Variants in TAF2 observed in about 807,000 individuals in gnomAD.
The protein encoded by TAF2 is TATA-box binding protein associated factor 2.
Under a neutral mutation model 138.5 loss-of-function variants are expected in TAF2, and 61 were observed. The ratio of observed to expected loss-of-function variants is 0.44; its 90% CI spans 0.36 to 0.54. The LOEUF is 0.54. Ranked by LOEUF, TAF2 falls within the 20% of genes least tolerant of loss-of-function variation. The pLI is 0.00. For missense variants in TAF2, 1,090 were observed against 1,427.9 expected (o/e 0.76, Z 3.81); for synonymous variants, 475 against 469.9 (o/e 1.01, Z -0.14).
intron 3 of TAF2, among the ~76,000 whole-genome samples, chr8:119,815,575 G>A (rs1003254405): frequency 6.6e-6 from 1 of 151,480 alleles, no homozygotes; most frequent in African/African-American, 2.4e-5. Context: ...GCACCCGGCC[G>A]AGACTTGGTC....
intron 18 of TAF2, among the ~76,000 whole-genome samples, chr8:119,765,396 G>C (rs370639902): frequency 3.3e-5 from 5 of 152,144 alleles, no homozygotes; most frequent in African/African-American, 9.7e-5. Flanking sequence ...AGGATACGCT[G>C]ATCTTAGAAA....
intron 6 of TAF2, among the ~76,000 whole-genome samples, chr8:119,798,433 C>T (rs1192259350): frequency 6.6e-6 from 1 of 152,146 alleles, no homozygotes; most frequent in Non-Finnish European, 1.5e-5. Context: ...ATATCATATG[C>T]TATCTCTTAT....
At chr8:119,791,216 A>G (rs1823406484) in intron 11 of TAF2, 108 bp downstream of exon 11, 2 of 1,381,696 alleles carry the variant, frequency 1.4e-6, no homozygotes, top group African/African-American at 1.4e-5. Flanking sequence ...GTGGGCAAAC[A>G]AAACTATAAA....
chr8:119,830,595 ATTTAATAAATCT>A (rs1445654375), intron 2 of TAF2, among the ~76,000 whole-genome samples: 1 of 152,224 alleles, frequency 6.6e-6, no homozygotes, highest in Admixed American at 6.5e-5. Flanking sequence ...AGGAGACTAA[ATTTAATAAATCT>A]TTTAGGAACA....
At chr8:119,811,794 A>G (rs1406287272) in intron 3 of TAF2, among the ~76,000 whole-genome samples, 1 of 137,660 alleles carries the variant, frequency 7.3e-6, no homozygotes, top group Non-Finnish European at 1.5e-5. Flanking sequence ...CGAAAGAGTG[A>G]GACTCCGTCT....
Position 119,794,874 on chromosome 8 carries a change from C to A in TAF2, c.1191+658G>T, listed in dbSNP as rs180941491. ...GATAATAATATGTAAAATGAGAATACGGGGAAGATGATAAGGTTTGTTTAA... is the reference window on the plus strand; with the variant it reads ...GATAATAATATGTAAAATGAGAATAAGGGGAAGATGATAAGGTTTGTTTAA... On this transcript the variant is annotated intron_variant, in intron 9 of 25. Transcript: ENST00000378164. Among the ~76,000 whole-genome samples the A allele has an allele frequency of 1.8e-4, 27 of 151,938 alleles. No homozygotes were observed. In the East Asian group the frequency reaches 3.5e-3, roughly 20 times the overall value.
chr8:119,740,690 GAA>G (rs376277175), intron 25 of TAF2, among the ~76,000 whole-genome samples: 3,999 of 40,898 alleles, frequency 0.098, 78 homozygotes, highest in Non-Finnish European at 0.13. Flanking sequence ...GAAAAGAAAA[GAA>G]AAGAAGAAGA....
chr8:119,832,128 C>T (rs1324038712), intron 1 of TAF2, among the ~76,000 whole-genome samples: 1 of 151,900 alleles, frequency 6.6e-6, no homozygotes, highest in Admixed American at 6.6e-5. Flanking sequence ...CGTTGCACTC[C>T]AGCCTGGGCG....
Position 119,760,679 on chromosome 8 carries a change from A to T in TAF2, c.2618T>A (p.Leu873His), listed in dbSNP as rs901706741. 6.2e-7 allele frequency: 1 copy of T among 1,614,064 alleles called. No individual in the cohort carries two copies. The highest frequency in any genetic ancestry group is 1.3e-5 in the African/African-American group (1 of 75,072). The change falls in exon 20 of 26, where the codon CTT becomes CAT. Residue 873 changes from leucine (L) to histidine (H), a missense_variant. Physicochemically the swap from Leu to His is moderately conservative, Grantham distance 99. Around this residue, in one of 3 missense-constraint regions of TAF2, gnomAD observed 580 missense variants for 719.6 expected, o/e 0.81. Coordinates refer to ENST00000378164, the MANE Select transcript of TAF2 (RefSeq NM_003184.4). ...KNGHVPSDPA[L>H]FKSYAEYGHF... ...GCCATATTCAGCATAAGATTTAAAA[A>T]GAGCTGGATCACTTGGCACATGTCC...
rs114353951 is a variant in TAF2 at position 119,795,835 on chromosome 8, T to C, written c.1092-204A>G. Among the ~76,000 whole-genome samples, 1,374 of 152,184 alleles carry C rather than the reference T, an allele frequency of 9.0e-3. 19 individuals carry two copies. Among genetic ancestry groups the C allele is most frequent in the African/African-American group, 0.032 (1,311 of 41,536 alleles). On this transcript the variant is annotated intron_variant, in intron 8 of 25. Coordinates refer to ENST00000378164, the MANE Select transcript of TAF2 (RefSeq NM_003184.4). ...ACCTTATTCACACCTGCCTTTACCTTTCATTATGAGACTGCTTTACAGTCT... is the reference window on the plus strand; with the variant it reads ...ACCTTATTCACACCTGCCTTTACCTCTCATTATGAGACTGCTTTACAGTCT...
At chr8:119,742,756 A>G (rs1819687241) in intron 24 of TAF2, 100 bp from the exon 25 acceptor site, 5 of 1,474,236 alleles carry the variant, frequency 3.4e-6, no homozygotes, top group Non-Finnish European at 3.7e-6. Context: ...TTAAAGACAG[A>G]AGCAATTCAT....
chr8:119,747,501 G>A (rs537645549), intron 22 of TAF2, among the ~76,000 whole-genome samples: 1 of 152,254 alleles, frequency 6.6e-6, no homozygotes, highest in East Asian at 1.9e-4. Flanking sequence ...TAGAAGTTCA[G>A]TTTCTCCTGG....
intron 22 of TAF2, among the ~76,000 whole-genome samples, chr8:119,749,400 G>T (rs1820196232): frequency 6.6e-6 from 1 of 152,044 alleles, no homozygotes; most frequent in African/African-American, 2.4e-5. Flanking sequence ...GGAGACAAGG[G>T]AGCTAAAAAA....
intron 25 of TAF2, among the ~76,000 whole-genome samples, chr8:119,739,157 C>CCCTTGCT (rs1819429914): frequency 1.3e-5 from 2 of 152,048 alleles, no homozygotes; most frequent in African/African-American, 4.8e-5. Flanking sequence ...CTAGGGAATT[C>CCCTTGCT]CCTTGCTCCT....
Position 119,765,090 on chromosome 8 carries a change from A to G in TAF2, c.2365-2482T>C, listed in dbSNP as rs942554504. Among the ~76,000 whole-genome samples the G allele has an allele frequency of 6.6e-5, 10 of 152,294 alleles. No homozygotes were observed. In the East Asian group the frequency reaches 1.7e-3, roughly 26 times the overall value. ...TGTGTTTTTGCTATTATACAATGTA[A>G]TAAGTTCTGCGGGCTTTGTGATTAA... On this transcript the variant is annotated intron_variant, in intron 18 of 25. Coordinates refer to ENST00000378164, the MANE Select transcript of TAF2 (RefSeq NM_003184.4).
Position 119,789,642 on chromosome 8 carries a change from G to C in TAF2, c.1518C>G (p.Ser506=). 3.7e-6 allele frequency: 6 copies of C among 1,613,744 alleles called. No homozygotes were observed. Among genetic ancestry groups the C allele is most frequent in the Non-Finnish European group, 5.1e-6 (6 of 1,179,912 alleles). Residue 506 remains serine, a synonymous_variant, in exon 12 of 26, where the codon TCC becomes TCG. Transcript: ENST00000378164. ...TATCTTTGCCAGAGACATTTGAAAT[G>C]GATTTCAAAAACCCAGATGTGGAAA... The part of the protein sequence containing the change: ...MLVSTSGFLK[S]ISNVSGKDIQ...
At chr8:119,811,820 A>AT (rs1163220304) in intron 3 of TAF2, among the ~76,000 whole-genome samples, 1 of 151,562 alleles carries the variant, frequency 6.6e-6, no homozygotes, top group East Asian at 1.9e-4. Flanking sequence ...AAAAAAAAAA[A>AT]AAAAAAAATA....
At position 119,832,710 on chromosome 8, in the gene TAF2, G is replaced by A; in HGVS notation, c.-146C>T. 1.5e-6 allele frequency: 1 copy of A among 649,242 alleles called. No homozygotes were observed. Among genetic ancestry groups the A allele is most frequent in the East Asian group, 2.9e-5 (1 of 34,638 alleles). 40.2% of individuals were successfully genotyped at this position (649,242 alleles called of 1,614,324 possible). On this transcript the variant is annotated 5_prime_UTR_variant, in exon 1 of 26. Transcript: ENST00000378164. ...GGTGCCCAGGTGAGCGACCTGACGG[G>A]TCGCTGCCCGCCTCAACCTCGCTCC...
intron 23 of TAF2, among the ~76,000 whole-genome samples, chr8:119,746,423 C>G (rs900418773): frequency 7.0e-6 from 1 of 143,476 alleles, no homozygotes; most frequent in South Asian, 2.3e-4. Flanking sequence ...TCTTTTGCTA[C>G]TCAGAGAAGA....
Sources: allele counts gnomAD v4.1 joint callset (sites outside exome capture counted in the v4.1 genomes callset), GRCh38; gene constraint gnomAD v4.1.1; regional missense constraint gnomAD v4.1.1; transcripts MANE v1.5; gene names NCBI Gene and HGNC (gene_info 2026-07-23, HGNC 2026-07-21).